The following DLG2 variants were observed in gnomAD, a reference collection of about 807,000 sequenced individuals.
DLG2 encodes disks large homolog 2.
DLG2 carries 45 observed loss-of-function variants against 132.5 expected under a neutral mutation model. The observed-to-expected ratio is 0.34, with a 90% CI of 0.27 to 0.44. DLG2 has a LOEUF of 0.44. Among genes scored for constraint, DLG2 ranks in the 20% least tolerant of loss-of-function variants. The pLI is 1.00. For synonymous variants in DLG2, 424 were observed against 419.6 expected, an observed-to-expected ratio of 1.01 and a Z score of -0.13; for missense variants, 1,045 against 1,196.9, an observed-to-expected ratio of 0.87 and a Z score of 1.87.
At chr11:83,795,490 A>G (rs2042611951) in intron 17 of DLG2, among the ~76,000 whole-genome samples, 1 of 151,622 alleles carries the variant, frequency 6.6e-6, no homozygotes, top group African/African-American at 2.4e-5. Flanking sequence ...TTAATCATAC[A>G]CATATATATT....
At chr11:84,129,613 T>C (rs931016019) in intron 9 of DLG2, among the ~76,000 whole-genome samples, 3 of 152,112 alleles carry the variant, frequency 2.0e-5, no homozygotes, top group African/African-American at 7.2e-5. Context: ...AGTATATAGT[T>C]GCTTTTTTTG....
At chr11:84,623,860 A>T (rs2099617931) in intron 6 of DLG2, among the ~76,000 whole-genome samples, 1 of 152,180 alleles carries the variant, frequency 6.6e-6, no homozygotes, top group Non-Finnish European at 1.5e-5. Flanking sequence ...TTACACAATT[A>T]CCTCAGTATT....
rs547960532 is a variant in DLG2, at chr11:83,712,149, C to T, written c.1825+74541G>A. 2.4e-3 allele frequency among the ~76,000 whole-genome samples: 367 copies of T among 152,188 alleles called. 1 individual carries two copies. The highest frequency in any genetic ancestry group is 0.01 in the Middle Eastern group (3 of 294). ...AGAAATACCATTTGGCCCAGCAATC[C>T]TATTATTGGGTATACACCTAAAGGA... On this transcript the variant is annotated intron_variant, in intron 18 of 27. Transcript: ENST00000376104.
At chr11:84,492,118 T>G (rs1428525996) in intron 7 of DLG2, among the ~76,000 whole-genome samples, 5 of 152,096 alleles carry the variant, frequency 3.3e-5, no homozygotes, top group Non-Finnish European at 7.4e-5. Flanking sequence ...AGATATAAAT[T>G]TAAGACTTTT....
chr11:84,356,086 T>C (rs572890548), intron 7 of DLG2, among the ~76,000 whole-genome samples: 5 of 152,084 alleles, frequency 3.3e-5, no homozygotes, highest in East Asian at 1.9e-4. Context: ...TCAAAGGGTA[T>C]GGGACATGAA....
At chr11:85,023,918 CAAAT>C (rs2060294042) in intron 6 of DLG2, among the ~76,000 whole-genome samples, 1 of 152,036 alleles carries the variant, frequency 6.6e-6, no homozygotes, top group South Asian at 2.1e-4. Context: ...GATTGGTAAA[CAAAT>C]AAAGCCAAAA....
intron 18 of DLG2, among the ~76,000 whole-genome samples, chr11:83,781,081 G>A (rs1272427116): frequency 2.0e-5 from 3 of 152,122 alleles, no homozygotes; most frequent in Non-Finnish European, 4.4e-5. Context: ...TATGCTTTTG[G>A]TCTGTAGACA....
At chr11:84,622,068 G>T (rs1200440266) in intron 6 of DLG2, among the ~76,000 whole-genome samples, 2 of 152,100 alleles carry the variant, frequency 1.3e-5, no homozygotes, top group Admixed American at 6.6e-5. Flanking sequence ...CACATCAAAG[G>T]GGGCATTGTT....
chr11:83,662,133 G>C (rs1010226748), intron 18 of DLG2, among the ~76,000 whole-genome samples: 2 of 152,094 alleles, frequency 1.3e-5, no homozygotes, highest in Non-Finnish European at 2.9e-5. Flanking sequence ...AGGACAGCCA[G>C]ATTTGTTTGA....
At chr11:85,608,764 G>A (rs1223672408) in intron 2 of DLG2, among the ~76,000 whole-genome samples, 2 of 152,146 alleles carry the variant, frequency 1.3e-5, no homozygotes, top group Non-Finnish European at 2.9e-5. Flanking sequence ...GCAGATCAAG[G>A]CAGACCTGGT....
At chr11:85,215,710 G>T (rs887372907) in intron 4 of DLG2, among the ~76,000 whole-genome samples, 2 of 151,892 alleles carry the variant, frequency 1.3e-5, no homozygotes, top group African/African-American at 4.8e-5. Flanking sequence ...TCTTTGTCTT[G>T]TCCCTTCTCT....
intron 3 of DLG2, among the ~76,000 whole-genome samples, chr11:85,551,250 A>G (rs1438960804): frequency 6.6e-6 from 1 of 152,214 alleles, no homozygotes; most frequent in African/African-American, 2.4e-5. Context: ...GTGTAGAAAT[A>G]TGAGAAGCAG....
intron 6 of DLG2, among the ~76,000 whole-genome samples, chr11:84,996,742 T>A (rs1204011513): frequency 6.6e-6 from 1 of 152,194 alleles, no homozygotes; most frequent in Non-Finnish European, 1.5e-5. Context: ...CACCACTATC[T>A]GATTTACAGC....
chr11:85,492,414 C>T (rs565967546), intron 3 of DLG2, among the ~76,000 whole-genome samples: 1 of 152,230 alleles, frequency 6.6e-6, no homozygotes, highest in Admixed American at 6.5e-5. Context: ...ATAGAGGAAG[C>T]TGTCTAGATA....
chr11:84,516,467 G>C (rs77732841), intron 7 of DLG2, among the ~76,000 whole-genome samples: 2,007 of 151,618 alleles, frequency 0.013, 41 homozygotes, highest in African/African-American at 0.044. Flanking sequence ...GGATAACCTA[G>C]AAGGAATGGA....
chr11:84,866,814 G>C (rs920320618), intron 6 of DLG2, among the ~76,000 whole-genome samples: 1 of 152,172 alleles, frequency 6.6e-6, no homozygotes, highest in Non-Finnish European at 1.5e-5. Flanking sequence ...AGAATCCAGA[G>C]AGGCTGTGAA....
rs143889437 is a variant in DLG2, at chr11:84,344,753, G to T, written c.520-93462C>A. Among the ~76,000 whole-genome samples, 559 of 152,192 alleles carry T rather than the reference G, an allele frequency of 3.7e-3. 9 individuals are homozygous for T. Among genetic ancestry groups the T allele is most frequent in the African/African-American group, 0.012 (516 of 41,518 alleles). On this transcript the variant is annotated intron_variant, in intron 7 of 27. Coordinates refer to ENST00000376104, the MANE Select transcript of DLG2 (RefSeq NM_001142699.3). ...CCTGTCTGAAGAATATAGATATCCAGGTTATTACTCAAGTTACCAAAATTT... is the reference window on the plus strand; with the variant it reads ...CCTGTCTGAAGAATATAGATATCCATGTTATTACTCAAGTTACCAAAATTT...
rs2076971135 is a variant in DLG2 at position 85,556,931 on chromosome 11, G to A, written c.40+41726C>T. On this transcript the variant is annotated intron_variant, in intron 3 of 27. Transcript: ENST00000376104. ...TATTTGTCTCTTGAAAAGTAAGTTT[G>A]AGGAAGTCCTAGCCACTGCAATCAG... Among the ~76,000 whole-genome samples the A allele has an allele frequency of 1.3e-5, 2 of 151,680 alleles. 1 individual carries two copies. The highest frequency in any genetic ancestry group is 3.0e-5 in the Non-Finnish European group (2 of 67,780).
chr11:84,819,981 C>G (rs2153982002), intron 6 of DLG2, among the ~76,000 whole-genome samples: 1 of 151,088 alleles, frequency 6.6e-6, no homozygotes, highest in Non-Finnish European at 1.5e-5. Flanking sequence ...GGTAGGATTT[C>G]CAGGAAAAAT....
Sources: gnomAD v4.1 joint callset for allele counts (sites outside exome capture counted in the v4.1 genomes callset) on GRCh38, gnomAD v4.1.1 for gene constraint, MANE v1.5 for transcripts, NCBI Gene and HGNC (gene_info 2026-07-23, HGNC 2026-07-21) for gene names.